SPTBN5: variants seen among roughly 807,000 people sequenced by gnomAD.
The protein encoded by SPTBN5 is spectrin beta, non-erythrocytic 5, also known as spectrin beta chain, non-erythrocytic 5.
SPTBN5 carries 513 observed loss-of-function variants against 477.6 expected under a neutral mutation model. That is an observed-to-expected ratio of 1.07 (90% CI 1.00 to 1.16). The LOEUF (loss-of-function observed/expected upper bound fraction) is 1.16. Ranked by LOEUF, SPTBN5 falls within the 50% of genes most tolerant of loss-of-function variation. SPTBN5 has a pLI of 0.00. For missense variants in SPTBN5, 5,062 were observed against 4,731.8 expected (o/e 1.07, Z -2.05); for synonymous variants, 2,169 against 2,011.7 (o/e 1.08, Z -2.09).
At chr15:41,872,934 C>G (rs1289107860) in intron 26 of SPTBN5, among the ~76,000 whole-genome samples, 2 of 152,176 alleles carry the variant, frequency 1.3e-5, no homozygotes, top group African/African-American at 2.4e-5. Context: ...CATGCCCAGA[C>G]AGGAGGACAG....
Position 41,870,285 on chromosome 15 carries a change from G to A in SPTBN5, c.5631C>T (p.Ser1877=). 6.4e-7 allele frequency: 1 copy of A among 1,554,802 alleles called. No homozygotes were observed. Among genetic ancestry groups the A allele is most frequent in the African/African-American group, 1.4e-5 (1 of 73,432 alleles). ...DLCGLEAQLR[S]HQGLERELVG... ...CGAGTTCTCGCTCCAGCCCCTGGTG[G>A]CTTCTCAGCTGCGCCTCCAGCCCAC... The change falls in exon 31 of 68, where the codon AGC becomes AGT. Residue 1877 remains serine, a synonymous_variant. Transcript: ENST00000320955.
chr15:41,880,438 G>T, intron 13 of SPTBN5, 126 bp from the exon 14 acceptor site: 2 of 1,024,818 alleles, frequency 2.0e-6, no homozygotes, highest in Non-Finnish European at 2.8e-6. Context: ...GGCCAGAGGG[G>T]GTCCCTGCCT....
In SPTBN5 at chr15:41,851,110, C is replaced by T. The variant is rs749556338; in HGVS notation, c.10784G>A (p.Arg3595Gln). ...GTGGCGGCCCCGCAGCCTCTCACAC[C>T]GGGCTCCCGTGAGGTCAAGGAGGGC... ...SIALLDLTGA[R>Q]CERLRGRHGR... The change falls in exon 65 of 68, where the codon CGG becomes CAG. Residue 3595 changes from arginine to glutamine, a missense_variant. Physicochemically the swap from Arg to Gln is conservative, Grantham distance 43. Coordinates refer to ENST00000320955, the MANE Select transcript of SPTBN5 (RefSeq NM_016642.4). 4.3e-6 allele frequency: 7 copies of T among 1,613,138 alleles called. No individual in the cohort carries two copies. Among genetic ancestry groups the T allele is most frequent in the Non-Finnish European group, 4.2e-6 (5 of 1,179,828 alleles).
intron 43 of SPTBN5, 61 bp downstream of exon 43, chr15:41,862,478 A>C (rs554482137): frequency 6.4e-7 from 1 of 1,555,644 alleles, no homozygotes; most frequent in South Asian, 1.2e-5. Context: ...GGCTGAGGGG[A>C]GGTGTGGGGA....
intron 17 of SPTBN5, 46 bp from the exon 18 acceptor site, chr15:41,877,402 C>T (rs780594632): frequency 8.9e-6 from 14 of 1,578,028 alleles, no homozygotes; most frequent in Middle Eastern, 1.7e-4. Flanking sequence ...CAGGCTCCCT[C>T]GTCAGCCTCC....
chr15:41,853,234 C>T, intron 59 of SPTBN5, 24 bp downstream of exon 59: 1 of 1,564,872 alleles, frequency 6.4e-7, no homozygotes, highest in African/African-American at 1.3e-5. Context: ...AGCCCAACCC[C>T]AGGCCCACCC....
intron 17 of SPTBN5, 62 bp downstream of exon 17, chr15:41,878,280 A>T (rs2066814007): frequency 6.4e-7 from 1 of 1,561,038 alleles, no homozygotes; most frequent in East Asian, 2.3e-5. Context: ...CTGGGCCTGA[A>T]CCCAGAGCCC....
chr15:41,879,462 C>A lies in SPTBN5; in HGVS notation c.2980G>T (p.Val994Leu), dbSNP rs185981447. Residue 994 changes from valine to leucine, a missense_variant, in exon 16 of 68, where the codon GTG becomes TTG. Coordinates refer to ENST00000320955, the MANE Select transcript of SPTBN5 (RefSeq NM_016642.4). ...QLEALKREKA[V>L]QLAHSVEVCS... ...ACTTCCACACTGTGTGCCAGCTGCA[C>A]GGCCTTCTCCCTCTTCAGGGCCTCC... 3.1e-6 allele frequency: 5 copies of A among 1,593,496 alleles called. No homozygotes were observed. In the South Asian group the frequency reaches 4.5e-5, roughly 14 times the overall value.
At position 41,872,321 on chromosome 15, in the gene SPTBN5, G is replaced by T. The variant is rs1464609726; in HGVS notation, c.5146C>A (p.Gln1716Lys). Residue 1716 changes from glutamine to lysine, a missense_variant, in exon 27 of 68, where the codon CAG (glutamine) becomes AAG (lysine). Gln to Lys is a moderately conservative substitution (Grantham distance 53). Transcript: ENST00000320955. ...ERLREQLRAL[Q>K]ELAATRDREL... ...CCTCACCGTGTGGCCGCCAACTCCT[G>T]CAGTGCCCGCAGCTGCTCCCGGAGC... The T allele has an allele frequency of 1.2e-6, 2 of 1,610,908 alleles. No homozygotes were observed. Among genetic ancestry groups the T allele is most frequent in the Admixed American group, 1.7e-5 (1 of 59,980 alleles).
chr15:41,881,639 T>C (rs941055101), intron 12 of SPTBN5, among the ~76,000 whole-genome samples: 1 of 151,898 alleles, frequency 6.6e-6, no homozygotes, highest in Non-Finnish European at 1.5e-5. Flanking sequence ...TGGGTGAAAG[T>C]GGAGGGGACC....
chr15:41,851,581 T>TGGCG (rs138547502), intron 63 of SPTBN5, among the ~76,000 whole-genome samples, 198 bp downstream of exon 63: 34,591 of 119,700 alleles, frequency 0.29, 6,226 homozygotes, highest in Admixed American at 0.39. Flanking sequence ...CAGCACCTCC[T>TGGCG]GGTGGGGGTG....
At chr15:41,881,258 C>T (rs2140958955) in intron 12 of SPTBN5, 24 bp from the exon 13 acceptor site, 2 of 1,571,720 alleles carry the variant, frequency 1.3e-6, no homozygotes, top group East Asian at 2.2e-5. Flanking sequence ...GGCAGCGCGT[C>T]TACAGGCGAC....
At chr15:41,864,539 A>C (rs536285679) in intron 39 of SPTBN5, among the ~76,000 whole-genome samples, 1 of 152,110 alleles carries the variant, frequency 6.6e-6, no homozygotes, top group South Asian at 2.1e-4. Flanking sequence ...GTCTCAAACT[A>C]CTGACCTCAA....
chr15:41,852,774 G>GA lies in SPTBN5; in HGVS notation c.10348-40_10348-39insT, dbSNP rs761954694. 3 of 1,611,468 alleles carry GA rather than the reference G, an allele frequency of 1.9e-6. No individual in the cohort carries two copies. The African/African-American group carries it at 4.0e-5, about 22-fold the overall frequency. ...TGTTCAGGTGACGCCCAGCTTGGGG[G>GA]GGGGGGCCCAGAGCCTGGTAGCCAG... On this transcript the variant is annotated intron_variant, in intron 60 of 67. Coordinates refer to ENST00000320955, the MANE Select transcript of SPTBN5 (RefSeq NM_016642.4).
rs777879682 is a variant in SPTBN5, at chr15:41,893,500, G to A, written c.-3C>T. The A allele has an allele frequency of 4.5e-5, 71 of 1,569,992 alleles. No individual in the cohort carries two copies. Among genetic ancestry groups the A allele is most frequent in the Non-Finnish European group, 6.0e-5 (70 of 1,162,344 alleles). ...GGACTGTGGGGCTGACCAGCCATCA[G>A]CCCTGCAGACTTTGGGGATGAGGAG... On this transcript the variant is annotated 5_prime_UTR_variant, in exon 2 of 68. Coordinates refer to ENST00000320955, the MANE Select transcript of SPTBN5 (RefSeq NM_016642.4).
At chr15:41,877,986 C>G (rs1465604917) in intron 17 of SPTBN5, among the ~76,000 whole-genome samples, 8 of 152,174 alleles carry the variant, frequency 5.3e-5, no homozygotes, top group Non-Finnish European at 1.2e-4. Context: ...AGCCATTCCA[C>G]TTAGGGGCCG....
At chr15:41,853,830 G>A in intron 57 of SPTBN5, 43 bp from the exon 58 acceptor site, 1 of 1,502,604 alleles carries the variant, frequency 6.7e-7, no homozygotes, top group East Asian at 2.5e-5. Flanking sequence ...CCCCCACTGA[G>A]CCGATGCGTG....
At position 41,876,569 on chromosome 15, in the gene SPTBN5, CA is replaced by C. The variant is rs1459328807; in HGVS notation, c.3929del (p.Leu1310CysfsTer17). 6.3e-7 allele frequency: 1 copy of C among 1,597,276 alleles called. No individual in the cohort carries two copies. The highest frequency in any genetic ancestry group is 1.3e-5 in the African/African-American group (1 of 74,374). ...TCACCTGGAGCTGGAGGGAAGCCAG[CA>C]ACTGCCTCCTCCTCTGCTCACTCCT... ...QGRSEQRRRQ[L>X]LASLQLQEWK... On this transcript the variant is annotated frameshift_variant, in exon 20 of 68. Transcript: ENST00000320955. LOFTEE classifies it high-confidence loss of function.
At position 41,874,872 on chromosome 15, in the gene SPTBN5, A is replaced by G; in HGVS notation, c.4472T>C (p.Ile1491Thr). The G allele has an allele frequency of 6.2e-7, 1 of 1,610,968 alleles. No individual in the cohort carries two copies. Residue 1491 changes from isoleucine to threonine, a missense_variant, in exon 23 of 68, where the codon ATC (isoleucine) becomes ACC (threonine). Physicochemically the swap from Ile to Thr is moderately conservative, Grantham distance 89. Coordinates refer to ENST00000320955, the MANE Select transcript of SPTBN5 (RefSeq NM_016642.4). ...GAGGTGCTTCTGGGTCTCTTCCAGGATGGCCGGGGAGGCGGCCATGCCATG... is the reference window on the plus strand; with the variant it reads ...GAGGTGCTTCTGGGTCTCTTCCAGGGTGGCCGGGGAGGCGGCCATGCCATG... Reference protein sequence around the residue: ...MAHGMAASPAILEETQKHLRR... With the variant: ...MAHGMAASPATLEETQKHLRR...
Sources: allele counts gnomAD v4.1 joint callset (sites outside exome capture counted in the v4.1 genomes callset), GRCh38; gene constraint gnomAD v4.1.1; transcripts MANE v1.5; gene names NCBI Gene and HGNC (gene_info 2026-07-23, HGNC 2026-07-21).